MYLK: variants seen among roughly 807,000 people sequenced by gnomAD.
MYLK encodes the protein myosin light chain kinase, also known as myosin light chain kinase, smooth muscle.
A neutral mutation model predicts 203.4 loss-of-function variants in MYLK; 106 were observed. The ratio of observed to expected loss-of-function variants is 0.52; its 90% CI spans 0.45 to 0.61. The LOEUF (loss-of-function observed/expected upper bound fraction) is 0.61, where lower values mean the gene tolerates loss of function less well. Ranked by LOEUF, MYLK falls within the 20% of genes least tolerant of loss-of-function variation. MYLK has a pLI of 0.00. For missense variants in MYLK, 2,072 were observed against 2,442.3 expected (o/e 0.85, Z 3.20); for synonymous variants, 867 against 959.5 (o/e 0.90, Z 1.78).
intron 2 of MYLK, among the ~76,000 whole-genome samples, chr3:123,863,100 C>T (rs916593101): frequency 2.6e-5 from 4 of 152,186 alleles, no homozygotes; most frequent in African/African-American, 9.7e-5. Flanking sequence ...GTCTCAGTTT[C>T]TTCCTCTGCA....
intron 4 of MYLK, among the ~76,000 whole-genome samples, chr3:123,778,534 TCAC>T (rs2064165087): frequency 1.7e-5 from 2 of 116,194 alleles, no homozygotes; most frequent in African/African-American, 6.3e-5. Context: ...AAAAAAAAAA[TCAC>T]CAATCTATAA....
chr3:123,656,642 G>A (rs1208165401), intron 24 of MYLK, among the ~76,000 whole-genome samples: 1 of 152,122 alleles, frequency 6.6e-6, no homozygotes, highest in African/African-American at 2.4e-5. Flanking sequence ...CATGCATTTT[G>A]TTATGTCCCC....
At chr3:123,668,375 T>C (rs2059806658) in intron 20 of MYLK, among the ~76,000 whole-genome samples, 1 of 152,192 alleles carries the variant, frequency 6.6e-6, no homozygotes, top group South Asian at 2.1e-4. Flanking sequence ...ATCTCAATGA[T>C]TTCTCTTTTT....
intron 19 of MYLK, among the ~76,000 whole-genome samples, chr3:123,687,379 G>A (rs1473273536): frequency 6.6e-6 from 1 of 152,150 alleles, no homozygotes; most frequent in Non-Finnish European, 1.5e-5. Context: ...AGGCACCAAG[G>A]CTTGGGTTTA....
At chr3:123,767,035 A>G (rs1468508396) in intron 4 of MYLK, among the ~76,000 whole-genome samples, 1 of 152,234 alleles carries the variant, frequency 6.6e-6, no homozygotes, top group Non-Finnish European at 1.5e-5. Flanking sequence ...TCTTTTCTAA[A>G]GAAGCATCTG....
At chr3:123,617,431 C>T (rs2107846507) in intron 33 of MYLK, 1 of 152,330 alleles carries the variant, frequency 6.6e-6, no homozygotes, top group African/African-American at 2.4e-5. Flanking sequence ...GCAGCACATC[C>T]ACTTTCTTTT....
In MYLK at chr3:123,738,979, C is replaced by T. The variant is rs758521431; in HGVS notation, c.506G>A (p.Arg169Gln). The T allele has an allele frequency of 6.3e-5, 101 of 1,613,562 alleles. No individual in the cohort carries two copies. Among genetic ancestry groups the T allele is most frequent in the Admixed American group, 4.2e-4 (25 of 59,964 alleles). Reference sequence around the variant, plus strand: ...CATCTGTCCTTCTTTGACCACAACTCGGCCCAGCTTGGTAGCAAACTTTGG... The same window carrying T: ...CATCTGTCCTTCTTTGACCACAACTTGGCCCAGCTTGGTAGCAAACTTTGG... ...CPPKFATKLG[R>Q]VVVKEGQMGR... Residue 169 changes from arginine (R) to glutamine (Q), a missense_variant, in exon 7 of 34, where the codon CGA (arginine) becomes CAA (glutamine). Around this residue, in one of 3 missense-constraint regions of MYLK, gnomAD observed 683 missense variants for 643.8 expected, o/e 1.06. Transcript: ENST00000360304.
intron 2 of MYLK, among the ~76,000 whole-genome samples, chr3:123,846,945 T>G (rs1290503140): frequency 6.6e-6 from 1 of 152,124 alleles, no homozygotes; most frequent in Non-Finnish European, 1.5e-5. Flanking sequence ...TAAATAGTAC[T>G]TTAATATGTT....
chr3:123,654,909 G>C (rs1055338737), intron 24 of MYLK, among the ~76,000 whole-genome samples: 3 of 151,678 alleles, frequency 2.0e-5, no homozygotes, highest in African/African-American at 7.3e-5. Context: ...GTAGAGATGG[G>C]GTTTTGCCAT....
chr3:123,677,918 T>TATATATATATATATATACAC (rs1273803739), intron 20 of MYLK, among the ~76,000 whole-genome samples: 27 of 78,868 alleles, frequency 3.4e-4, no homozygotes, highest in East Asian at 1.7e-3. Flanking sequence ...TATATATATA[T>TATATATATATATATATACAC]ACACACACAC....
chr3:123,639,137 G>A (rs1311696449), intron 28 of MYLK: 2 of 867,888 alleles, frequency 2.3e-6, no homozygotes, highest in Non-Finnish European at 2.8e-6. Context: ...CCTGAGGACA[G>A]TGGCCTATTT....
At chr3:123,751,002 C>T (rs180880023) in intron 5 of MYLK, among the ~76,000 whole-genome samples, 2 of 152,308 alleles carry the variant, frequency 1.3e-5, no homozygotes, top group Non-Finnish European at 1.5e-5. Flanking sequence ...GGGCAAAGGG[C>T]GGCCATTGGC....
rs757203206 is a variant in MYLK, at chr3:123,735,397, C to A, written c.773+1G>T. ...GTAAAAGTCACAAAGCCTAGACATA[C>A]CTATTGGCACTGTCCAAACCTGGAA... On this transcript the variant is annotated splice_donor_variant, in intron 9 of 33. Transcript: ENST00000360304. LOFTEE classifies it high-confidence loss of function. The A allele has an allele frequency of 6.2e-7, 1 of 1,614,054 alleles. No individual in the cohort carries two copies. The highest frequency in any genetic ancestry group is 2.2e-5 in the East Asian group (1 of 44,870).
At chr3:123,826,427 T>C (rs541639832) in intron 3 of MYLK, among the ~76,000 whole-genome samples, 2 of 152,300 alleles carry the variant, frequency 1.3e-5, no homozygotes, top group South Asian at 4.1e-4. Flanking sequence ...CCAGCAGACA[T>C]GCCCCCCAGC....
intron 2 of MYLK, among the ~76,000 whole-genome samples, chr3:123,835,175 G>T (rs971022875): frequency 6.6e-6 from 1 of 152,172 alleles, no homozygotes; most frequent in Non-Finnish European, 1.5e-5. Flanking sequence ...GCAGATTATT[G>T]GGTCCTACCC....
At chr3:123,800,532 T>C (rs1049781957) in intron 3 of MYLK, among the ~76,000 whole-genome samples, 15 of 152,144 alleles carry the variant, frequency 9.9e-5, no homozygotes, top group African/African-American at 3.6e-4. Context: ...CAGACTGTGT[T>C]CATGTTGAGC....
intron 2 of MYLK, among the ~76,000 whole-genome samples, chr3:123,845,547 G>A: frequency 6.6e-6 from 1 of 152,174 alleles, no homozygotes; most frequent in East Asian, 1.9e-4. Flanking sequence ...TTGGAGTGCA[G>A]TGGTGCAGTC....
rs1342020954 is a variant in MYLK at position 123,629,819 on chromosome 3, G to A, written c.4962-193C>T. On this transcript the variant is annotated intron_variant, in intron 29 of 33. Coordinates refer to ENST00000360304, the MANE Select transcript of MYLK (RefSeq NM_053025.4). This position sits in a 1 kb window ranked among gnomAD's most constrained non-coding sequence, Gnocchi z 4.4. The stretch of plus-strand genomic sequence containing the variant: ...GTGGTTCACAGCCCTGTCTTTTCTT[G>A]GTCACCTGCCTCTTGACACCACCTA... 5 of 612,760 alleles carry A rather than the reference G, an allele frequency of 8.2e-6. No individual in the cohort carries two copies. Among genetic ancestry groups the A allele is most frequent in the South Asian group, 2.0e-5 (1 of 51,050 alleles). The allele number at this position is 612,760 out of a possible 1,614,324, so 38.0% of individuals were successfully genotyped here.
chr3:123,650,769 T>C (rs915668097), intron 24 of MYLK, among the ~76,000 whole-genome samples: 2 of 152,010 alleles, frequency 1.3e-5, no homozygotes, highest in Non-Finnish European at 2.9e-5. Context: ...AATTCACAGG[T>C]GGAAAGGATG....
Sources: gnomAD v4.1 joint callset for allele counts (sites outside exome capture counted in the v4.1 genomes callset) on GRCh38, gnomAD v4.1.1 for gene constraint, gnomAD v4.1.1 regional missense constraint, Gnocchi (gnomAD v3.1) non-coding constraint, MANE v1.5 for transcripts, NCBI Gene and HGNC (gene_info 2026-07-23, HGNC 2026-07-21) for gene names.